The following DDAH1 variants were observed in gnomAD, a reference collection of about 807,000 sequenced individuals.
DDAH1 encodes the protein dimethylarginine dimethylaminohydrolase 1.
DDAH1 carries 19 observed loss-of-function variants against 28.8 expected under a neutral mutation model. The observed-to-expected ratio is 0.66, with a 90% CI of 0.46 to 0.97. The LOEUF is 0.97. DDAH1 is among the 50% of genes least tolerant of loss of function. The probability of loss-of-function intolerance (pLI) is 0.00; values close to 1 mark genes in which losing one functional copy is unlikely to be tolerated. For missense variants in DDAH1, 326 were observed against 375.9 expected, an observed-to-expected ratio of 0.87 and a Z score of 1.10; for synonymous variants, 153 against 154.4, an observed-to-expected ratio of 0.99 and a Z score of 0.07.
chr1:85,465,736 T>A (rs1655355932), upstream of DDAH1, among the ~76,000 whole-genome samples: 1 of 152,146 alleles, frequency 6.6e-6, no homozygotes, highest in African/African-American at 2.4e-5. Context: ...ACAGTTCTAA[T>A]TATCTATGCT....
intron 1 of DDAH1, among the ~76,000 whole-genome samples, chr1:85,555,689 T>G (rs1658941291): frequency 6.6e-6 from 1 of 152,280 alleles, no homozygotes; most frequent in Admixed American, 6.5e-5. Flanking sequence ...AAAAACTCAG[T>G]GCTTGGCTCT....
At chr1:85,507,428 A>C (rs1329280306) in intron 1 of DDAH1, among the ~76,000 whole-genome samples, 1 of 152,070 alleles carries the variant, frequency 6.6e-6, no homozygotes, top group African/African-American at 2.4e-5. Context: ...GCTTGAGCCC[A>C]GGAGGTTGAG....
At chr1:85,404,581 T>G in intron 1 of DDAH1, 3 of 1,332,800 alleles carry the variant, frequency 2.3e-6, no homozygotes, top group Non-Finnish European at 2.9e-6. Context: ...TTCCAGACTC[T>G]TGTGGGAATA....
chr1:85,408,592 T>C (rs1652514462), intron 1 of DDAH1, among the ~76,000 whole-genome samples: 1 of 152,350 alleles, frequency 6.6e-6, no homozygotes, highest in Non-Finnish European at 1.5e-5. Context: ...CTAAAAAGTA[T>C]GTCACAGTGT....
intron 2 of DDAH1, among the ~76,000 whole-genome samples, chr1:85,484,021 A>T (rs1165120979): frequency 6.6e-6 from 1 of 152,146 alleles, no homozygotes; most frequent in Non-Finnish European, 1.5e-5. Flanking sequence ...GTTTGCAAAG[A>T]TTTAAAGAAT....
chr1:85,556,716 G>A (rs1209144156), intron 1 of DDAH1, among the ~76,000 whole-genome samples: 3 of 152,166 alleles, frequency 2.0e-5, no homozygotes, highest in Non-Finnish European at 1.5e-5. Context: ...TACCAACCAC[G>A]TATAACAAGA....
chr1:85,399,436 C>T (rs1007929141), intron 1 of DDAH1: 2 of 152,232 alleles, frequency 1.3e-5, no homozygotes, highest in African/African-American at 4.8e-5. Flanking sequence ...CATGCACTCA[C>T]CCAGGTGAAA....
At chr1:85,345,543 T>C (rs547427345) in intron 4 of DDAH1, among the ~76,000 whole-genome samples, 92 of 152,318 alleles carry the variant, frequency 6.0e-4, no homozygotes, top group Admixed American at 2.0e-3. Context: ...GCAGTAATAA[T>C]GTCTTCCTTT....
At chr1:85,379,150 G>A (rs903445990) in intron 1 of DDAH1, among the ~76,000 whole-genome samples, 3 of 152,152 alleles carry the variant, frequency 2.0e-5, no homozygotes, top group African/African-American at 7.2e-5. Context: ...AGGGATGTAA[G>A]TGGCCTTATA....
At chr1:85,504,479 G>A (rs1226472059) in intron 1 of DDAH1, among the ~76,000 whole-genome samples, 2 of 152,186 alleles carry the variant, frequency 1.3e-5, no homozygotes, top group Admixed American at 1.3e-4. Flanking sequence ...TAGTGCTATA[G>A]AAGAACCAAG....
intron 4 of DDAH1, among the ~76,000 whole-genome samples, chr1:85,325,339 G>A (rs1647303965): frequency 6.8e-6 from 1 of 146,872 alleles, no homozygotes; most frequent in Non-Finnish European, 1.5e-5. Flanking sequence ...CCACACGTGT[G>A]TGCATGCACG....
chr1:85,378,149 T>C lies in DDAH1; in HGVS notation c.304-19302A>G, dbSNP rs1306362396. ...GCTAAAAGAAGTTAATGAGGGTGAATGGAATCACCCCTATTAAAGGTAAAG... is the reference window on the plus strand; with the variant it reads ...GCTAAAAGAAGTTAATGAGGGTGAACGGAATCACCCCTATTAAAGGTAAAG... On this transcript the variant is annotated intron_variant, in intron 1 of 5. Coordinates refer to ENST00000284031, the MANE Select transcript of DDAH1 (RefSeq NM_012137.4). Among the ~76,000 whole-genome samples, 9 of 152,274 alleles carry C rather than the reference T, an allele frequency of 5.9e-5. 1 individual carries two copies. The highest frequency in any genetic ancestry group is 2.2e-4 in the African/African-American group (9 of 41,556).
intron 1 of DDAH1, among the ~76,000 whole-genome samples, chr1:85,450,201 T>C (rs778081301): frequency 6.6e-6 from 1 of 152,222 alleles, no homozygotes; most frequent in African/African-American, 2.4e-5. Flanking sequence ...CCAATTAAAC[T>C]ACAGGCTCCA....
At chr1:85,377,363 C>A (rs1245891258) in intron 1 of DDAH1, among the ~76,000 whole-genome samples, 16 of 151,922 alleles carry the variant, frequency 1.1e-4, no homozygotes, top group Admixed American at 1.0e-3. Flanking sequence ...CTTCTAGACT[C>A]CAAGCATAAA....
rs71075837 is a variant in DDAH1, at chr1:85,435,960, T to TTG, written c.303+28781_303+28782dup. On this transcript the variant is annotated intron_variant, in intron 1 of 5. Coordinates refer to ENST00000284031, the MANE Select transcript of DDAH1 (RefSeq NM_012137.4). Reference sequence around the variant, plus strand: ...CGTGTGCCACAATGCCCGGCTAATTTTGTGTGTGTGTGTGTGTGTGTGTAG... The same window carrying TTG: ...CGTGTGCCACAATGCCCGGCTAATTTTGTGTGTGTGTGTGTGTGTGTGTGTAG... Among the ~76,000 whole-genome samples the TTG allele has an allele frequency of 1.1e-4, 15 of 138,666 alleles. No individual in the cohort carries two copies. The East Asian group carries it at 1.1e-3, about 10-fold the overall frequency. The allele number at this position is 138,666 out of a possible 152,430, so 91.0% of individuals were successfully genotyped here.
Position 85,321,294 on chromosome 1 carries a change from G to C in DDAH1, c.*158C>G. The C allele has an allele frequency of 1.6e-6, 1 of 607,306 alleles. No homozygotes were observed. Among genetic ancestry groups the C allele is most frequent in the Non-Finnish European group, 3.0e-6 (1 of 338,966 alleles). 37.6% of individuals were successfully genotyped at this position (607,306 alleles called of 1,614,324 possible). A position where few individuals can be genotyped will look rare whatever the true frequency, so the allele number is the denominator to read the frequency against. ...CCACCTCGAGGGGAGGGAGGGTGGG[G>C]GTGTTGAATGAAGCAATTCAACTTA... On this transcript the variant is annotated 3_prime_UTR_variant, in exon 6 of 6. Transcript: ENST00000284031.
At chr1:85,540,084 T>C (rs531497584) in intron 1 of DDAH1, among the ~76,000 whole-genome samples, 1 of 152,104 alleles carries the variant, frequency 6.6e-6, no homozygotes, top group South Asian at 2.1e-4. Context: ...AATTATTACA[T>C]TAAATATACA....
intron 1 of DDAH1, among the ~76,000 whole-genome samples, chr1:85,574,635 G>A (rs546521452): frequency 2.0e-4 from 30 of 152,160 alleles, no homozygotes; most frequent in Non-Finnish European, 3.5e-4. Context: ...TGCGGGGGAC[G>A]TTCAATATTA....
At chr1:85,518,118 G>A (rs1657538961) in intron 1 of DDAH1, among the ~76,000 whole-genome samples, 1 of 152,198 alleles carries the variant, frequency 6.6e-6, no homozygotes, top group Non-Finnish European at 1.5e-5. Context: ...ATGCCCACCA[G>A]TAATGGACTG....
Sources: gnomAD v4.1 joint callset for allele counts (sites outside exome capture counted in the v4.1 genomes callset) on GRCh38, gnomAD v4.1.1 for gene constraint, MANE v1.5 for transcripts, NCBI Gene and HGNC (gene_info 2026-07-23, HGNC 2026-07-21) for gene names.